ZNF318: variants seen among roughly 807,000 people sequenced by gnomAD.
ZNF318 encodes endocrine regulator.
ZNF318 carries 51 observed loss-of-function variants against 124.2 expected under a neutral mutation model. That is an observed-to-expected ratio of 0.41 (90% CI 0.33 to 0.52). The LOEUF is 0.52. Ranked by LOEUF, ZNF318 falls within the 20% of genes least tolerant of loss-of-function variation. The pLI is 0.23. For missense variants in ZNF318, 2,815 were observed against 2,811.2 expected (o/e 1.00, Z -0.03); for synonymous variants, 1,090 against 1,040.7 (o/e 1.05, Z -0.91).
chr6:43,337,092 G>A lies in ZNF318; in HGVS notation c.*66C>T. On this transcript the variant is annotated 3_prime_UTR_variant, in exon 10 of 10. Coordinates refer to ENST00000361428, the MANE Select transcript of ZNF318 (RefSeq NM_014345.3). ...CAGATGAGATAACAAACTAGTCTTG[G>A]ATCATCTGGGCATCTGATTTCTAGA... The A allele has an allele frequency of 2.8e-6, 4 of 1,416,750 alleles. No homozygotes were observed. Among genetic ancestry groups the A allele is most frequent in the Non-Finnish European group, 3.8e-6 (4 of 1,058,304 alleles). The allele number at this position is 1,416,750 out of a possible 1,614,324, so 87.8% of individuals were successfully genotyped here.
chr6:43,365,151 G>C, intron 2 of ZNF318, 141 bp downstream of exon 2: 1 of 799,318 alleles, frequency 1.3e-6, no homozygotes, highest in Admixed American at 3.0e-5. Context: ...TTCTATCCCA[G>C]CGTTTTATTT....
chr6:43,337,724 G>A lies in ZNF318; in HGVS notation c.6274C>T (p.Pro2092Ser). 1 of 1,614,160 alleles carries A rather than the reference G, an allele frequency of 6.2e-7. No individual in the cohort carries two copies. The highest frequency in any genetic ancestry group is 8.5e-7 in the Non-Finnish European group (1 of 1,180,040). ...GGGATCCTAACACTCCTGGGATTAG[G>A]TGAGTTTCGTTCACCCTCTGTCTCA... is the stretch of plus-strand genomic sequence containing the variant. Reference protein sequence around the residue: ...DFETEGERNSPNPRSVRIPSP... With the variant: ...DFETEGERNSSNPRSVRIPSP... The change falls in exon 10 of 10, where the codon CCT becomes TCT. Residue 2092 changes from proline (P) to serine (S), a missense_variant. Pro to Ser is a moderately conservative substitution (Grantham distance 74). Around this residue, in one of 4 missense-constraint regions of ZNF318, gnomAD observed 927 missense variants for 820.6 expected, o/e 1.13. Coordinates refer to ENST00000361428, the MANE Select transcript of ZNF318 (RefSeq NM_014345.3).
Position 43,342,722 on chromosome 6 carries a change from G to T in ZNF318, c.3230C>A (p.Thr1077Asn). Residue 1077 changes from threonine to asparagine, a missense_variant, in exon 7 of 10, where the codon ACC becomes AAC. Physicochemically the swap from Thr to Asn is moderately conservative, Grantham distance 65. Transcript: ENST00000361428. ...CATATGAGTGAAGAAATCAAACATG[G>T]TCCCACAGATGGTGTTGCAGTCTTT... ...WCKDCNTICG[T>N]MFDFFTHMHN... 1 of 1,614,204 alleles carries T rather than the reference G, an allele frequency of 6.2e-7. No individual in the cohort carries two copies. The highest frequency in any genetic ancestry group is 8.5e-7 in the Non-Finnish European group (1 of 1,180,036).
At position 43,336,934 on chromosome 6, in the gene ZNF318, T is replaced by TAC. The variant is rs998578225; in HGVS notation, c.*223_*224insGT. 3.4e-4 allele frequency: 59 copies of TAC among 171,992 alleles called. No individual in the cohort carries two copies. Among genetic ancestry groups the TAC allele is most frequent in the African/African-American group, 1.4e-3 (57 of 41,448 alleles). 10.7% of individuals were successfully genotyped at this position (171,992 alleles called of 1,614,324 possible). A position where few individuals can be genotyped will look rare whatever the true frequency, so the allele number is the denominator to read the frequency against. ...TTAACAAAATACATTTTTACAGATATATATATATATATATAAGTTGTTATC... is the reference window on the plus strand; with the variant it reads ...TTAACAAAATACATTTTTACAGATATACATATATATATATATAAGTTGTTATC... On this transcript the variant is annotated 3_prime_UTR_variant, in exon 10 of 10. Coordinates refer to ENST00000361428, the MANE Select transcript of ZNF318 (RefSeq NM_014345.3).
At chr6:43,362,919 G>A (rs1779702005) in intron 2 of ZNF318, among the ~76,000 whole-genome samples, 1 of 152,190 alleles carries the variant, frequency 6.6e-6, no homozygotes, top group Non-Finnish European at 1.5e-5. Context: ...TTAGTGGACA[G>A]TAATTATCCA....
At chr6:43,343,260 A>G (rs908531318) in intron 6 of ZNF318, among the ~76,000 whole-genome samples, 2 of 152,210 alleles carry the variant, frequency 1.3e-5, no homozygotes, top group Admixed American at 1.3e-4. Context: ...TTACCTATGC[A>G]ACTAAACAGT....
intron 4 of ZNF318, among the ~76,000 whole-genome samples, chr6:43,352,842 C>T (rs1013662116): frequency 9.9e-5 from 15 of 152,178 alleles, no homozygotes; most frequent in Non-Finnish European, 2.1e-4. Flanking sequence ...TCCTTGCAAA[C>T]CAGGGATAAC....
Position 43,369,008 on chromosome 6 carries a change from G to A in ZNF318, c.358C>T (p.Arg120Trp). ...SRGESRADYA[R>W]DGRGDHPGDS... is the part of the protein sequence containing the mutation. ...CCTGGATGGTCTCCGCGGCCGTCCCGGGCATAGTCGGCGCGGGACTCCCCC... is the reference window on the plus strand; with the variant it reads ...CCTGGATGGTCTCCGCGGCCGTCCCAGGCATAGTCGGCGCGGGACTCCCCC... Residue 120 changes from arginine (R) to tryptophan (W), a missense_variant, in exon 1 of 10, where the codon CGG (arginine) becomes TGG (tryptophan). This residue lies in a region of ZNF318 where 1,377 missense variants were observed against 1,353.5 expected (regional missense o/e 1.02). Transcript: ENST00000361428. 2 of 1,435,374 alleles carry A rather than the reference G, an allele frequency of 1.4e-6. No homozygotes were observed. Among genetic ancestry groups the A allele is most frequent in the Non-Finnish European group, 1.8e-6 (2 of 1,092,744 alleles). 88.9% of individuals were successfully genotyped at this position (1,435,374 alleles called of 1,614,324 possible).
rs1339804607 is a variant in ZNF318, at chr6:43,337,908, G to C, written c.6090C>G (p.Ser2030Arg). 7 of 1,614,050 alleles carry C rather than the reference G, an allele frequency of 4.3e-6. No homozygotes were observed. The highest frequency in any genetic ancestry group is 5.9e-6 in the Non-Finnish European group (7 of 1,180,044). Residue 2030 changes from serine (S) to arginine (R), a missense_variant, in exon 10 of 10, where the codon AGC becomes AGG. Coordinates refer to ENST00000361428, the MANE Select transcript of ZNF318 (RefSeq NM_014345.3). ...MPVDFCTTRVSPAHRSPTVLC... is the reference protein window; with the variant it reads ...MPVDFCTTRVRPAHRSPTVLC... ...AGACAGTTGGGGATCTATGTGCTGG[G>C]CTTACCCGAGTAGTGCAGAAATCAA...
At chr6:43,366,673 G>C (rs1036086983) in intron 1 of ZNF318, among the ~76,000 whole-genome samples, 1 of 152,096 alleles carries the variant, frequency 6.6e-6, no homozygotes, top group Admixed American at 6.6e-5. Flanking sequence ...TGGGATGTTG[G>C]TACGCACCTG....
Position 43,356,098 on chromosome 6 carries a change from G to A in ZNF318, c.1236C>T (p.Leu412=). ...GTGGAAGGGATGGGTGCCCAGAGTAGAGAGGGTGATCCTGGCTGGAGCTGG... is the reference window on the plus strand; with the variant it reads ...GTGGAAGGGATGGGTGCCCAGAGTAAAGAGGGTGATCCTGGCTGGAGCTGG... The part of the protein sequence containing the change: ...SSTSSSQDHP[L]YSGHPSLPLS... Residue 412 remains leucine, a synonymous_variant, in exon 4 of 10, where the codon CTC becomes CTT. Coordinates refer to ENST00000361428, the MANE Select transcript of ZNF318 (RefSeq NM_014345.3). The A allele has an allele frequency of 6.2e-7, 1 of 1,614,096 alleles. No individual in the cohort carries two copies. Among genetic ancestry groups the A allele is most frequent in the Non-Finnish European group, 8.5e-7 (1 of 1,179,964 alleles).
At position 43,339,970 on chromosome 6, in the gene ZNF318, G is replaced by C; in HGVS notation, c.4028C>G (p.Ser1343Cys). 6.2e-7 allele frequency: 1 copy of C among 1,614,170 alleles called. No individual in the cohort carries two copies. Among genetic ancestry groups the C allele is most frequent in the South Asian group, 1.1e-5 (1 of 91,078 alleles). The change falls in exon 10 of 10, where the codon TCC becomes TGC. Residue 1343 changes from serine (S) to cysteine (C), a missense_variant. Physicochemically the swap from Ser to Cys is moderately radical, Grantham distance 112. Around this residue, in one of 4 missense-constraint regions of ZNF318, gnomAD observed 500 missense variants for 605.2 expected, o/e 0.83. Coordinates refer to ENST00000361428, the MANE Select transcript of ZNF318 (RefSeq NM_014345.3). This position sits in a 1 kb window ranked among gnomAD's most constrained non-coding sequence, Gnocchi z 4.2. ...GTTGGGTCGGATCTTAGTCTGTGTG[G>C]AAGTTGTCACAACAGGCATCCAAGG... ...TSPWMPVVTT[S>C]TQTKIRPNLP... is the part of the protein sequence containing the mutation.
intron 2 of ZNF318, among the ~76,000 whole-genome samples, chr6:43,365,058 G>A (rs904099582): frequency 6.6e-6 from 1 of 152,132 alleles, no homozygotes; most frequent in African/African-American, 2.4e-5. Context: ...GTCAGACTCA[G>A]ATGACCTTTT....
intron 5 of ZNF318, 115 bp downstream of exon 5, chr6:43,352,262 C>CTATTATT: frequency 2.6e-6 from 2 of 781,684 alleles, no homozygotes; most frequent in Admixed American, 2.7e-5. Flanking sequence ...AGTTTAATTA[C>CTATTATT]GTCAAAAAAA....
chr6:43,341,751 T>C (rs891883571), intron 8 of ZNF318, among the ~76,000 whole-genome samples: 5 of 152,170 alleles, frequency 3.3e-5, no homozygotes, highest in Admixed American at 6.5e-5. Context: ...AAATATTGTA[T>C]AGTTCTTAGT....
intron 2 of ZNF318, among the ~76,000 whole-genome samples, chr6:43,363,095 CCTT>C (rs1204428123): frequency 2.0e-5 from 3 of 152,056 alleles, no homozygotes; most frequent in Non-Finnish European, 4.4e-5. Flanking sequence ...GCCCCAAACT[CCTT>C]AAGAGGAAAA....
Position 43,356,161 on chromosome 6 carries a change from C to A in ZNF318, c.1189-16G>T. 6.2e-7 allele frequency: 1 copy of A among 1,602,874 alleles called. No individual in the cohort carries two copies. The highest frequency in any genetic ancestry group is 2.2e-5 in the East Asian group (1 of 44,854). On this transcript the variant is annotated splice_polypyrimidine_tract_variant and intron_variant, in intron 3 of 9. Coordinates refer to ENST00000361428, the MANE Select transcript of ZNF318 (RefSeq NM_014345.3). ...AACTCTCAAGCTGCAAAGACAAACA[C>A]AACTGATTTAGTCTTATGCAGAATC...
At chr6:43,368,607 T>C in intron 1 of ZNF318, 1 of 951,088 alleles carries the variant, frequency 1.1e-6, no homozygotes, top group South Asian at 4.8e-5. Flanking sequence ...TGTAAGGGGA[T>C]GAAAAGTACG....
intron 6 of ZNF318, among the ~76,000 whole-genome samples, chr6:43,346,148 TCACGCCA>T (rs1005918668): frequency 1.7e-5 from 2 of 120,788 alleles, no homozygotes; most frequent in African/African-American, 6.6e-5. Context: ...TGAGCGAAGA[TCACGCCA>T]CACGCCACAG....
Sources: gnomAD v4.1 joint callset for allele counts (sites outside exome capture counted in the v4.1 genomes callset) on GRCh38, gnomAD v4.1.1 for gene constraint, gnomAD v4.1.1 regional missense constraint, Gnocchi (gnomAD v3.1) non-coding constraint, MANE v1.5 for transcripts, NCBI Gene and HGNC (gene_info 2026-07-23, HGNC 2026-07-21) for gene names.